NCAM2: variants seen among roughly 807,000 people sequenced by gnomAD.
NCAM2 encodes the protein N-CAM-2.
NCAM2 carries 30 observed loss-of-function variants against 98.1 expected under a neutral mutation model. The ratio of observed to expected loss-of-function variants is 0.31; its 90% CI spans 0.23 to 0.41. NCAM2 has a LOEUF of 0.41. Among genes scored for constraint, NCAM2 ranks in the 10% least tolerant of loss-of-function variants. NCAM2 has a pLI of 1.00. For synonymous variants in NCAM2, 368 were observed against 342.4 expected (o/e 1.07, Z -0.83); for missense variants, 867 against 1,005.8 (o/e 0.86, Z 1.87).
chr21:21,038,530 T>C (rs8127284), intron 1 of NCAM2, among the ~76,000 whole-genome samples: 144,749 of 152,168 alleles, frequency 0.95, 69,261 homozygotes, highest in East Asian at 1. Flanking sequence ...TGAGTTCTTA[T>C]GAGATCTGAT....
In NCAM2 at chr21:21,335,621, A is replaced by G. The variant is rs1288921555; in HGVS notation, c.854A>G (p.Asn285Ser). The change falls in exon 7 of 18, where the codon AAT becomes AGT. Residue 285 changes from asparagine (N) to serine (S), a missense_variant. Asn to Ser is a conservative substitution (Grantham distance 46). Around this residue, in one of 5 missense-constraint regions of NCAM2, gnomAD observed 447 missense variants for 495.7 expected, o/e 0.90. Coordinates refer to ENST00000400546, the MANE Select transcript of NCAM2 (RefSeq NM_004540.5). ...DGGPYVCRAT[N>S]KAGEDEKQAF... ...GGTCCTTATGTCTGCAGGGCCACAA[A>G]TAAGGCAGGAGAAGATGAAAAGCAA... The G allele has an allele frequency of 6.2e-7, 1 of 1,610,328 alleles. No individual in the cohort carries two copies. Among genetic ancestry groups the G allele is most frequent in the Non-Finnish European group, 8.5e-7 (1 of 1,178,302 alleles).
chr21:21,456,307 G>A (rs1982137561), intron 12 of NCAM2, among the ~76,000 whole-genome samples: 1 of 152,086 alleles, frequency 6.6e-6, no homozygotes, highest in African/African-American at 2.4e-5. Flanking sequence ...AAAGGCCTAA[G>A]AATAAAATCT....
At chr21:21,324,805 C>G (rs1228598022) in intron 6 of NCAM2, among the ~76,000 whole-genome samples, 4 of 152,032 alleles carry the variant, frequency 2.6e-5, no homozygotes, top group Non-Finnish European at 5.9e-5. Context: ...ATTTTATTAT[C>G]ATTACAATTT....
At chr21:21,320,522 A>G (rs2074349146) in intron 5 of NCAM2, among the ~76,000 whole-genome samples, 1 of 148,986 alleles carries the variant, frequency 6.7e-6, no homozygotes, top group East Asian at 2.0e-4. Context: ...ATTAATGAAA[A>G]TTGAGAGCTG....
At chr21:21,374,456 G>T (rs184554880) in intron 9 of NCAM2, among the ~76,000 whole-genome samples, 58 of 151,952 alleles carry the variant, frequency 3.8e-4, no homozygotes, top group African/African-American at 1.4e-3. Flanking sequence ...TTTAAATGCA[G>T]TGAAATGTAC....
At chr21:21,395,892 C>T (rs2076494695) in intron 9 of NCAM2, among the ~76,000 whole-genome samples, 1 of 152,074 alleles carries the variant, frequency 6.6e-6, no homozygotes, top group Non-Finnish European at 1.5e-5. Flanking sequence ...AAATCTAAGT[C>T]CTGAAACCAT....
intron 11 of NCAM2, among the ~76,000 whole-genome samples, chr21:21,420,661 AT>A (rs1213631644): frequency 6.6e-6 from 1 of 151,924 alleles, no homozygotes; most frequent in East Asian, 1.9e-4. Flanking sequence ...AAGAAGGGAA[AT>A]TTTTAAGCTA....
At chr21:21,360,939 A>G (rs907573310) in intron 8 of NCAM2, among the ~76,000 whole-genome samples, 1 of 152,036 alleles carries the variant, frequency 6.6e-6, no homozygotes, top group Non-Finnish European at 1.5e-5. Flanking sequence ...ATTTTTATCT[A>G]TTCTCAAATT....
intron 1 of NCAM2, among the ~76,000 whole-genome samples, chr21:21,073,179 C>A (rs965048995): frequency 6.6e-6 from 1 of 152,120 alleles, no homozygotes; most frequent in Admixed American, 6.5e-5. Context: ...GAATTATATT[C>A]CATTGTATGC....
At chr21:21,248,203 A>G (rs1047561180) in intron 1 of NCAM2, among the ~76,000 whole-genome samples, 1 of 152,106 alleles carries the variant, frequency 6.6e-6, no homozygotes, top group Non-Finnish European at 1.5e-5. Flanking sequence ...AGTCCAATTG[A>G]CTTGTTTGTA....
intron 1 of NCAM2, among the ~76,000 whole-genome samples, chr21:21,171,062 G>A (rs2068109064): frequency 1.3e-5 from 2 of 152,150 alleles, no homozygotes; most frequent in South Asian, 2.1e-4. Flanking sequence ...TTAGACAAGG[G>A]TGTGGTAATA....
intron 12 of NCAM2, among the ~76,000 whole-genome samples, chr21:21,462,042 T>C (rs1254052842): frequency 1.3e-5 from 2 of 152,118 alleles, no homozygotes; most frequent in African/African-American, 4.8e-5. Context: ...TTGTTTCTTT[T>C]AATTGTTTAC....
chr21:21,290,957 C>A (rs2073269493), intron 4 of NCAM2, among the ~76,000 whole-genome samples: 1 of 151,754 alleles, frequency 6.6e-6, no homozygotes, highest in Admixed American at 6.6e-5. Context: ...GATGGAGACT[C>A]TGCCTTTTTC....
At chr21:21,096,134 C>T (rs6417723) in intron 1 of NCAM2, among the ~76,000 whole-genome samples, 57,881 of 151,402 alleles carry the variant, frequency 0.38, 13,579 homozygotes, top group African/African-American at 0.66. Context: ...ATTAATACTT[C>T]GGATAATGCC....
chr21:21,346,169 T>A, intron 8 of NCAM2, among the ~76,000 whole-genome samples: 1 of 135,342 alleles, frequency 7.4e-6, no homozygotes, highest in Non-Finnish European at 1.5e-5. Context: ...CTATAAAGAC[T>A]CACATAGACT....
intron 1 of NCAM2, among the ~76,000 whole-genome samples, chr21:21,273,332 A>T (rs184505811): frequency 6.6e-6 from 1 of 152,330 alleles, no homozygotes; most frequent in Admixed American, 6.5e-5. Context: ...CCAAGAGAAG[A>T]AAACAAAGAA....
chr21:21,030,384 A>T (rs961895445), intron 1 of NCAM2, among the ~76,000 whole-genome samples: 2 of 152,206 alleles, frequency 1.3e-5, no homozygotes, highest in Non-Finnish European at 2.9e-5. Context: ...TTAGAGGCAT[A>T]AATGATACAA....
chr21:21,058,718 A>G (rs779604523), intron 1 of NCAM2, among the ~76,000 whole-genome samples: 3 of 151,076 alleles, frequency 2.0e-5, no homozygotes, highest in Non-Finnish European at 4.4e-5. Context: ...CCATTGAGTC[A>G]TGTAGAAATA....
intron 1 of NCAM2, among the ~76,000 whole-genome samples, chr21:21,011,864 G>A (rs2064218164): frequency 6.6e-6 from 1 of 152,060 alleles, no homozygotes; most frequent in African/African-American, 2.4e-5. Flanking sequence ...CATATATATG[G>A]TCAAAGGCAT....
Sources: gnomAD v4.1 joint callset for allele counts (sites outside exome capture counted in the v4.1 genomes callset) on GRCh38, gnomAD v4.1.1 for gene constraint, gnomAD v4.1.1 regional missense constraint, MANE v1.5 for transcripts, NCBI Gene and HGNC (gene_info 2026-07-23, HGNC 2026-07-21) for gene names.